The following SLC25A20 variants were observed in gnomAD, a reference collection of about 807,000 sequenced individuals.
SLC25A20 encodes solute carrier family 25 member 20, also known as mitochondrial carnitine/acylcarnitine carrier protein.
SLC25A20 carries 29 observed loss-of-function variants against 39.7 expected under a neutral mutation model. That is an observed-to-expected ratio of 0.73 (90% CI 0.54 to 1.00). The LOEUF (loss-of-function observed/expected upper bound fraction) is 1.00, where lower values mean the gene tolerates loss of function less well. Among genes scored for constraint, SLC25A20 ranks in the 50% least tolerant of loss-of-function variants. The probability of loss-of-function intolerance (pLI) is 0.00; values close to 1 mark genes in which losing one functional copy is unlikely to be tolerated. For missense variants in SLC25A20, 333 were observed against 379.9 expected (o/e 0.88, Z 1.03); for synonymous variants, 103 against 142.2 (o/e 0.72, Z 1.96).
chr3:48,883,618 CTTTTTT>C (rs761695690), intron 3 of SLC25A20, among the ~76,000 whole-genome samples: 1 of 97,354 alleles, frequency 1.0e-5, no homozygotes, highest in Non-Finnish European at 1.9e-5. Flanking sequence ...CACCAAGGTC[CTTTTTT>C]TTTTTTTTTT....
At chr3:48,858,400 T>C in intron 8 of SLC25A20, 107 bp downstream of exon 8, 1 of 1,512,906 alleles carries the variant, frequency 6.6e-7, no homozygotes, top group Non-Finnish European at 9.1e-7. Context: ...AGATAGGGCT[T>C]TGGGAAAACT....
intron 1 of SLC25A20, among the ~76,000 whole-genome samples, chr3:48,897,494 T>C (rs912317653): frequency 1.3e-5 from 2 of 151,448 alleles, no homozygotes; most frequent in African/African-American, 4.9e-5. Flanking sequence ...CCGCTTGGAA[T>C]GACCACAGTC....
chr3:48,867,789 G>C (rs2083683503), intron 4 of SLC25A20, among the ~76,000 whole-genome samples: 1 of 151,796 alleles, frequency 6.6e-6, no homozygotes, highest in Non-Finnish European at 1.5e-5. Flanking sequence ...GGCCGGGCAT[G>C]GTGGCTCATG....
At chr3:48,898,608 G>A in intron 1 of SLC25A20, 82 bp downstream of exon 1, 2 of 1,284,456 alleles carry the variant, frequency 1.6e-6, no homozygotes, top group Non-Finnish European at 2.2e-6. Flanking sequence ...CTTCTGCCCA[G>A]CGTCCGCGCC....
chr3:48,858,687 T>G, intron 7 of SLC25A20, 56 bp from the exon 8 acceptor site: 1 of 1,612,144 alleles, frequency 6.2e-7, no homozygotes, highest in Admixed American at 1.7e-5. Flanking sequence ...AGCAGTTAAG[T>G]CTTCCTGAAG....
intron 3 of SLC25A20, among the ~76,000 whole-genome samples, chr3:48,881,788 C>A (rs2083797198): frequency 6.6e-6 from 1 of 152,154 alleles, no homozygotes; most frequent in Admixed American, 6.6e-5. Context: ...TGCTAAAAGA[C>A]CAGGCGCTCA....
In SLC25A20 at chr3:48,858,508, G is replaced by A. The variant is rs953809517; in HGVS notation, c.842C>T (p.Ala281Val). 23 of 1,613,968 alleles carry A rather than the reference G, an allele frequency of 1.4e-5. No individual in the cohort carries two copies. The highest frequency in any genetic ancestry group is 2.7e-5 in the African/African-American group (2 of 74,928). Residue 281 changes from alanine (A) to valine (V), a missense_variant and splice_region_variant, in exon 8 of 9, where the codon GCG becomes GTG. Ala to Val is a moderately conservative substitution (Grantham distance 64). Transcript: ENST00000319017. Reference sequence around the variant, plus strand: ...AGCACAGCCCTGCCAGCTACTCACCGCATTGGCTGGGAAGGCTCGGATCAT... The same window carrying A: ...AGCACAGCCCTGCCAGCTACTCACCACATTGGCTGGGAAGGCTCGGATCAT... ...AVMIRAFPANAACFLGFEVAM... is the reference protein window; with the variant it reads ...AVMIRAFPANVACFLGFEVAM...
intron 8 of SLC25A20, among the ~76,000 whole-genome samples, chr3:48,858,204 A>G (rs530840756): frequency 3.7e-4 from 56 of 151,744 alleles, no homozygotes; most frequent in Non-Finnish European, 7.2e-4. Context: ...CTGACCTCAG[A>G]TGATCCACCT....
intron 2 of SLC25A20, among the ~76,000 whole-genome samples, chr3:48,890,513 G>C (rs2083864893): frequency 6.6e-6 from 1 of 151,552 alleles, no homozygotes; most frequent in South Asian, 2.1e-4. Flanking sequence ...AGTGCATAGA[G>C]GAAAATGCTG....
chr3:48,880,404 G>C (rs1395593544), intron 3 of SLC25A20, among the ~76,000 whole-genome samples: 5 of 150,350 alleles, frequency 3.3e-5, no homozygotes, highest in African/African-American at 1.2e-4. Context: ...CAGCTCCCGA[G>C]TAGCTGGGAT....
intron 4 of SLC25A20, among the ~76,000 whole-genome samples, chr3:48,869,365 T>C (rs2083695383): frequency 6.6e-6 from 1 of 152,116 alleles, no homozygotes; most frequent in South Asian, 2.1e-4. Flanking sequence ...AAAAATTTTT[T>C]GGCTGGGCAC....
chr3:48,884,780 C>A (rs369490925), intron 2 of SLC25A20, among the ~76,000 whole-genome samples: 1 of 150,246 alleles, frequency 6.7e-6, no homozygotes, highest in East Asian at 2.0e-4. Flanking sequence ...TATAAGGTAC[C>A]AAAATTTTGG....
chr3:48,889,226 C>G (rs1325958602), intron 2 of SLC25A20, among the ~76,000 whole-genome samples: 1 of 150,740 alleles, frequency 6.6e-6, no homozygotes, highest in Non-Finnish European at 1.5e-5. Context: ...TCTTTTTGCC[C>G]AGGCTGGAGT....
intron 1 of SLC25A20, chr3:48,895,745 G>A (rs1365976889): frequency 1.1e-5 from 5 of 456,324 alleles, no homozygotes; most frequent in Non-Finnish European, 1.8e-5. Flanking sequence ...ATGCCCAGAG[G>A]CCACCATACC....
chr3:48,864,648 G>C (rs1375815877), intron 4 of SLC25A20, among the ~76,000 whole-genome samples: 1 of 151,482 alleles, frequency 6.6e-6, no homozygotes, highest in Non-Finnish European at 1.5e-5. Flanking sequence ...CATGTTATCT[G>C]AGAATGCTGG....
intron 1 of SLC25A20, 51 bp from the exon 2 acceptor site, chr3:48,892,123 T>C: frequency 1.4e-6 from 2 of 1,402,288 alleles, no homozygotes; most frequent in Non-Finnish European, 2.0e-6. Flanking sequence ...GAACTGCCTG[T>C]CAGCAGCAAT....
chr3:48,887,686 G>A (rs901261502), intron 2 of SLC25A20, among the ~76,000 whole-genome samples: 1 of 151,970 alleles, frequency 6.6e-6, no homozygotes, highest in African/African-American at 2.4e-5. Flanking sequence ...GGCAGATCAC[G>A]AAGTCAGGAG....
Position 48,859,136 on chromosome 3 carries a change from G to C in SLC25A20, c.674C>G (p.Ala225Gly). Residue 225 changes from alanine to glycine, a missense_variant, in exon 7 of 9, where the codon GCT (alanine) becomes GGT (glycine). Physicochemically the swap from Ala to Gly is moderately conservative, Grantham distance 60. Coordinates refer to ENST00000319017, the MANE Select transcript of SLC25A20 (RefSeq NM_000387.6). ...AGGIAGIFNWAVAIPPDVLKS... is the reference protein window; with the variant it reads ...AGGIAGIFNWGVAIPPDVLKS... ...GAGCACATCTGGGGGGATTGCCACA[G>C]CCCAGTTGAAGATCCCTGCAATGCC... The C allele has an allele frequency of 6.2e-7, 1 of 1,614,074 alleles. No homozygotes were observed. Among genetic ancestry groups the C allele is most frequent in the Non-Finnish European group, 8.5e-7 (1 of 1,180,014 alleles).
At chr3:48,880,851 A>C (rs2083790935) in intron 3 of SLC25A20, among the ~76,000 whole-genome samples, 1 of 152,154 alleles carries the variant, frequency 6.6e-6, no homozygotes, top group African/African-American at 2.4e-5. Flanking sequence ...TACAGGTGTG[A>C]GCCACTGTGC....
Sources: gnomAD v4.1 joint callset for allele counts (sites outside exome capture counted in the v4.1 genomes callset) on GRCh38, gnomAD v4.1.1 for gene constraint, MANE v1.5 for transcripts, NCBI Gene and HGNC (gene_info 2026-07-23, HGNC 2026-07-21) for gene names.